CDH12: variants seen among roughly 807,000 people sequenced by gnomAD.
CDH12 encodes the protein cadherin-12.
A neutral mutation model predicts 74.1 loss-of-function variants in CDH12; 41 were observed. The observed-to-expected ratio is 0.55, with a 90% CI of 0.43 to 0.72. The LOEUF (loss-of-function observed/expected upper bound fraction) is 0.72. Among genes scored for constraint, CDH12 ranks in the 30% least tolerant of loss-of-function variants. The pLI, the probability that CDH12 is intolerant of heterozygous loss-of-function variation, is 0.00. For synonymous variants in CDH12, 399 were observed against 355.0 expected, an observed-to-expected ratio of 1.12 and a Z score of -1.39; for missense variants, 945 against 977.2, an observed-to-expected ratio of 0.97 and a Z score of 0.44.
At chr5:22,359,895 A>G (rs1740724403) in intron 3 of CDH12, among the ~76,000 whole-genome samples, 1 of 152,216 alleles carries the variant, frequency 6.6e-6, no homozygotes, top group South Asian at 2.1e-4. Flanking sequence ...GAACAAAGAT[A>G]CAACATACCA....
chr5:22,277,149 A>C (rs1736668672), intron 3 of CDH12, among the ~76,000 whole-genome samples: 1 of 152,180 alleles, frequency 6.6e-6, no homozygotes, highest in Non-Finnish European at 1.5e-5. Context: ...ACTACAAATT[A>C]GATAATAAAC....
chr5:21,811,951 A>C (rs1747768962), intron 9 of CDH12, among the ~76,000 whole-genome samples: 1 of 152,068 alleles, frequency 6.6e-6, no homozygotes, highest in Non-Finnish European at 1.5e-5. Flanking sequence ...TAAAATAAAT[A>C]AAAATGCCTT....
chr5:22,745,897 G>A (rs2127025930), intron 1 of CDH12, among the ~76,000 whole-genome samples: 1 of 152,084 alleles, frequency 6.6e-6, no homozygotes, highest in South Asian at 2.1e-4. Flanking sequence ...GCCTGCACGT[G>A]TACCCCAGAA....
chr5:22,283,283 CACAT>C (rs1156553622), intron 3 of CDH12, among the ~76,000 whole-genome samples: 7 of 136,160 alleles, frequency 5.1e-5, no homozygotes, highest in Non-Finnish European at 3.0e-5. Flanking sequence ...CACATATACA[CACAT>C]ATATATATAG....
At chr5:22,422,673 C>G (rs1743706352) in intron 2 of CDH12, among the ~76,000 whole-genome samples, 1 of 152,000 alleles carries the variant, frequency 6.6e-6, no homozygotes, top group Non-Finnish European at 1.5e-5. Context: ...AAAAATTTGT[C>G]TTAAATTCAA....
At chr5:21,769,857 T>C (rs1293593036) in intron 11 of CDH12, among the ~76,000 whole-genome samples, 2 of 152,204 alleles carry the variant, frequency 1.3e-5, no homozygotes, top group Non-Finnish European at 2.9e-5. Context: ...TTTGACAAAG[T>C]GTCCTGATCA....
chr5:22,297,480 A>G (rs1447499963), intron 3 of CDH12, among the ~76,000 whole-genome samples: 2 of 152,230 alleles, frequency 1.3e-5, no homozygotes, highest in African/African-American at 4.8e-5. Flanking sequence ...ATATCTGATT[A>G]GAGTAGAATC....
intron 4 of CDH12, among the ~76,000 whole-genome samples, chr5:22,166,234 G>C (rs571615200): frequency 6.6e-6 from 1 of 152,098 alleles, no homozygotes; most frequent in Non-Finnish European, 1.5e-5. Context: ...GATATGCAAG[G>C]ATATTTATCT....
chr5:22,124,570 ATGATGGCATGTGGTCTTT>A (rs1429760390), intron 4 of CDH12, among the ~76,000 whole-genome samples: 2 of 152,162 alleles, frequency 1.3e-5, no homozygotes. Flanking sequence ...AGGAGCAAAA[ATGATGGCATGTGGTCTTT>A]GGAAGCAGGT....
intron 5 of CDH12, among the ~76,000 whole-genome samples, chr5:22,028,583 T>A (rs1208252951): frequency 6.6e-6 from 1 of 152,116 alleles, no homozygotes; most frequent in Non-Finnish European, 1.5e-5. Flanking sequence ...CAAGGAGAAC[T>A]ACAAACCACT....
At chr5:22,038,108 CCT>C (rs1216331095) in intron 5 of CDH12, among the ~76,000 whole-genome samples, 8 of 152,186 alleles carry the variant, frequency 5.3e-5, no homozygotes, top group African/African-American at 1.7e-4. Flanking sequence ...TGCCCTACCC[CCT>C]GAGGCACAGT....
chr5:22,509,456 A>G (rs1580718800), intron 1 of CDH12, among the ~76,000 whole-genome samples: 4 of 152,208 alleles, frequency 2.6e-5, no homozygotes, highest in African/African-American at 9.6e-5. Context: ...ATTAACTTTC[A>G]GGGGACCTTG....
chr5:22,656,428 T>C lies in CDH12; in HGVS notation c.-522-151064A>G, dbSNP rs576270632. ...GAATATGAATATGTGACTTACATCATTGAAACATCAAGAGAACACAAATTA... is the reference window on the plus strand; with the variant it reads ...GAATATGAATATGTGACTTACATCACTGAAACATCAAGAGAACACAAATTA... On this transcript the variant is annotated intron_variant, in intron 1 of 14. Coordinates refer to ENST00000382254, the MANE Select transcript of CDH12 (RefSeq NM_004061.5). Among the ~76,000 whole-genome samples the C allele has an allele frequency of 1.5e-4, 23 of 152,282 alleles. 1 individual carries two copies. Among genetic ancestry groups the C allele is most frequent in the African/African-American group, 4.6e-4 (19 of 41,576 alleles).
chr5:22,267,316 A>G (rs943926636), intron 3 of CDH12, among the ~76,000 whole-genome samples: 4 of 152,198 alleles, frequency 2.6e-5, no homozygotes, highest in African/African-American at 9.6e-5. Flanking sequence ...TCCAGATTCT[A>G]TATTGAGCCA....
intron 5 of CDH12, among the ~76,000 whole-genome samples, chr5:22,061,263 G>A (rs1190211649): frequency 6.6e-6 from 1 of 152,162 alleles, no homozygotes; most frequent in Non-Finnish European, 1.5e-5. Context: ...ATTATACAGT[G>A]TATTGATTAA....
At chr5:22,498,438 A>G (rs920971273) in intron 2 of CDH12, among the ~76,000 whole-genome samples, 1 of 152,044 alleles carries the variant, frequency 6.6e-6, no homozygotes, top group Admixed American at 6.5e-5. Context: ...TTTCAACACC[A>G]TATTTGAGTA....
At chr5:22,104,968 A>G (rs145099220) in intron 4 of CDH12, among the ~76,000 whole-genome samples, 1,670 of 152,268 alleles carry the variant, frequency 0.011, 20 homozygotes, top group African/African-American at 0.029. Context: ...AGAAAGAATC[A>G]GGTGCATGAC....
intron 3 of CDH12, among the ~76,000 whole-genome samples, chr5:22,233,708 C>CCA (rs766422044): frequency 0.019 from 2,889 of 152,168 alleles, 41 homozygotes; most frequent in Non-Finnish European, 0.028. Flanking sequence ...AGTGCTATGG[C>CCA]TATATTTTTG....
intron 1 of CDH12, among the ~76,000 whole-genome samples, chr5:22,622,264 A>G (rs1738012178): frequency 6.6e-6 from 1 of 152,160 alleles, no homozygotes; most frequent in Non-Finnish European, 1.5e-5. Context: ...AAAATGGCTG[A>G]CTAGATGCAA....
Sources: allele counts gnomAD v4.1 joint callset (sites outside exome capture counted in the v4.1 genomes callset), GRCh38; gene constraint gnomAD v4.1.1; transcripts MANE v1.5; gene names NCBI Gene and HGNC (gene_info 2026-07-23, HGNC 2026-07-21).